Variants in AGBL1 observed in about 807,000 individuals in gnomAD.
AGBL1 encodes the protein cytosolic carboxypeptidase 4.
AGBL1 carries 130 observed loss-of-function variants against 118.9 expected under a neutral mutation model. The ratio of observed to expected loss-of-function variants is 1.09; its 90% CI spans 0.95 to 1.26. AGBL1 has a LOEUF of 1.26. Ranked by LOEUF, AGBL1 falls within the 50% of genes most tolerant of loss-of-function variation. The pLI, the probability that AGBL1 is intolerant of heterozygous loss-of-function variation, is 0.00. For synonymous variants in AGBL1, 555 were observed against 478.9 expected (o/e 1.16, Z -2.08); for missense variants, 1,584 against 1,298.1 (o/e 1.22, Z -3.38).
intron 18 of AGBL1, among the ~76,000 whole-genome samples, chr15:86,504,554 A>T (rs1026601250): frequency 1.3e-5 from 2 of 151,304 alleles, no homozygotes; most frequent in African/African-American, 2.4e-5. Context: ...ATTTGTTTTC[A>T]TTAGTTTTAT....
rs1216981846 is a variant in AGBL1, at chr15:86,652,164, A to C, written c.2995-22109A>C. Among the ~76,000 whole-genome samples, 4 of 152,134 alleles carry C rather than the reference A, an allele frequency of 2.6e-5. No individual in the cohort carries two copies. The East Asian group carries it at 7.7e-4, about 29-fold the overall frequency. ...TCTACTCCCAGTGCACTCTCAATTT[A>C]AATGTCATTTTAGGGTCAAAAGATT... On this transcript the variant is annotated intron_variant, in intron 21 of 22. Coordinates refer to ENST00000614907, the MANE Select transcript of AGBL1 (RefSeq NM_001386094.1).
At chr15:86,113,276 T>TCTTC (rs1897541624) in intron 1 of AGBL1, among the ~76,000 whole-genome samples, 1 of 136,610 alleles carries the variant, frequency 7.3e-6, no homozygotes, top group Non-Finnish European at 1.6e-5. Flanking sequence ...TTTCTTTCTT[T>TCTTC]TTCTTTCTTT....
chr15:86,608,156 C>T (rs2447263), intron 21 of AGBL1, among the ~76,000 whole-genome samples: 75,059 of 152,000 alleles, frequency 0.49, 18,692 homozygotes, highest in East Asian at 0.73. Flanking sequence ...GATATATTAT[C>T]TGAGATCCAG....
chr15:86,879,665 C>T (rs1199488250), intron 22 of AGBL1, among the ~76,000 whole-genome samples: 2 of 152,198 alleles, frequency 1.3e-5, no homozygotes, highest in East Asian at 3.8e-4. Flanking sequence ...TTACACCTTT[C>T]CTTTGGCTTG....
At chr15:86,702,785 T>TGA (rs1157614149) in intron 22 of AGBL1, among the ~76,000 whole-genome samples, 44 of 152,162 alleles carry the variant, frequency 2.9e-4, no homozygotes, top group African/African-American at 1.1e-3. Context: ...CTTGTCTTCG[T>TGA]CTGCTGGTGT....
chr15:86,666,198 T>C (rs1046453188), intron 21 of AGBL1, among the ~76,000 whole-genome samples: 7 of 152,146 alleles, frequency 4.6e-5, no homozygotes, highest in African/African-American at 1.7e-4. Context: ...TTTATTTAGA[T>C]GTTCCTTGCT....
intron 4 of AGBL1, among the ~76,000 whole-genome samples, chr15:86,156,306 T>C (rs1413906673): frequency 7.9e-5 from 12 of 152,214 alleles, no homozygotes; most frequent in Admixed American, 7.9e-4. Flanking sequence ...GGCTTCCAGA[T>C]GGCTGGCTGC....
At chr15:86,262,635 C>A (rs770097073) in intron 9 of AGBL1, 143 bp from the exon 10 acceptor site, 10 of 701,042 alleles carry the variant, frequency 1.4e-5, no homozygotes, top group Non-Finnish European at 2.6e-5. Context: ...ATAACAAATT[C>A]TTCACTGGAT....
At chr15:87,011,716 C>T (rs1317323439) in intron 24 of AGBL1, among the ~76,000 whole-genome samples, 1 of 152,090 alleles carries the variant, frequency 6.6e-6, no homozygotes, top group East Asian at 1.9e-4. Context: ...ATTTTGTAGT[C>T]AACAAAGTGC....
intron 22 of AGBL1, among the ~76,000 whole-genome samples, chr15:86,869,023 T>C (rs2079681031): frequency 6.6e-6 from 1 of 152,212 alleles, no homozygotes; most frequent in African/African-American, 2.4e-5. Context: ...AAAGGCATCA[T>C]TTTGAAAGAA....
At chr15:86,589,300 G>T (rs2084300029) in intron 21 of AGBL1, among the ~76,000 whole-genome samples, 1 of 152,114 alleles carries the variant, frequency 6.6e-6, no homozygotes, top group African/African-American at 2.4e-5. Context: ...GTGCAGTGGG[G>T]CATCTCAGCA....
intron 1 of AGBL1, among the ~76,000 whole-genome samples, chr15:86,091,739 G>A (rs1896041522): frequency 6.6e-6 from 1 of 152,070 alleles, no homozygotes. Context: ...AGCTCTTAAA[G>A]GTCAGAATAA....
At chr15:86,550,892 C>T (rs1365976079) in intron 20 of AGBL1, among the ~76,000 whole-genome samples, 1 of 151,848 alleles carries the variant, frequency 6.6e-6, no homozygotes, top group Admixed American at 6.6e-5. Flanking sequence ...TATTCACCTA[C>T]TCAAGAGAAT....
chr15:87,026,345 T>C (rs954796087), intron 24 of AGBL1, among the ~76,000 whole-genome samples: 6 of 151,906 alleles, frequency 3.9e-5, no homozygotes, highest in African/African-American at 1.4e-4. Flanking sequence ...GCTAAAGACA[T>C]GAATAGACAA....
chr15:86,311,357 T>G (rs747575027), intron 17 of AGBL1, among the ~76,000 whole-genome samples: 5 of 152,220 alleles, frequency 3.3e-5, no homozygotes, highest in Non-Finnish European at 7.4e-5. Flanking sequence ...GAAAGAAAAA[T>G]GAAAGTCTAT....
chr15:86,897,475 T>C (rs543855428), intron 22 of AGBL1, among the ~76,000 whole-genome samples: 5 of 152,130 alleles, frequency 3.3e-5, no homozygotes, highest in Non-Finnish European at 5.9e-5. Context: ...TACTTTCACA[T>C]CTATTATCTT....
intron 1 of AGBL1, among the ~76,000 whole-genome samples, chr15:86,115,799 C>A (rs1897716921): frequency 1.3e-5 from 2 of 152,332 alleles, no homozygotes; most frequent in South Asian, 4.1e-4. Context: ...GATGCCCCAG[C>A]TATATCTCTG....
intron 17 of AGBL1, among the ~76,000 whole-genome samples, chr15:86,363,371 C>A (rs931837854): frequency 7.2e-5 from 11 of 152,078 alleles, no homozygotes; most frequent in Admixed American, 2.6e-4. Context: ...TTCTTTGTAA[C>A]TTTCTGGTTT....
intron 24 of AGBL1, among the ~76,000 whole-genome samples, chr15:87,006,123 T>A (rs1392431728): frequency 3.3e-5 from 5 of 152,184 alleles, no homozygotes; most frequent in African/African-American, 1.2e-4. Context: ...TGCCTGCCAG[T>A]TAGGCTACTC....
Sources: gnomAD v4.1 joint callset for allele counts (sites outside exome capture counted in the v4.1 genomes callset) on GRCh38, gnomAD v4.1.1 for gene constraint, MANE v1.5 for transcripts, NCBI Gene and HGNC (gene_info 2026-07-23, HGNC 2026-07-21) for gene names.